Variants in KDM3B observed in about 807,000 individuals in gnomAD.
KDM3B encodes lysine-specific demethylase 3B.
A neutral mutation model predicts 170.0 loss-of-function variants in KDM3B; 10 were observed. That is an observed-to-expected ratio of 0.06 (90% CI 0.04 to 0.10). The LOEUF (loss-of-function observed/expected upper bound fraction) is 0.10. Among genes scored for constraint, KDM3B ranks in the 10% least tolerant of loss-of-function variants. The probability of loss-of-function intolerance (pLI) is 1.00; values close to 1 mark genes in which losing one functional copy is unlikely to be tolerated. For missense variants in KDM3B, 1,394 were observed against 2,195.2 expected (o/e 0.64, Z 7.29); for synonymous variants, 831 against 834.8 (o/e 1.00, Z 0.08).
chr5:138,426,929 C>G, intron 17 of KDM3B, 46 bp from the exon 18 acceptor site: 1 of 1,444,922 alleles, frequency 6.9e-7, no homozygotes, highest in South Asian at 1.1e-5. Flanking sequence ...AAATCGGACA[C>G]CAGCCAAACC....
Position 138,425,526 on chromosome 5 carries a change from C to T in KDM3B, c.4355C>T (p.Ala1452Val). Residue 1452 changes from alanine (A) to valine (V), a missense_variant, in exon 17 of 24, where the codon GCT becomes GTT. Around this residue, in one of 19 missense-constraint regions of KDM3B, gnomAD observed 66 missense variants for 178.8 expected, o/e 0.37. Coordinates refer to ENST00000314358, the MANE Select transcript of KDM3B (RefSeq NM_016604.4). The part of the protein sequence containing the change: ...DVDLVNCRNC[A>V]IISDVKVRDF... ...GACTTGGTGAACTGCAGGAACTGTG[C>T]TATAATTTCCGATGTGAAAGTTCGG... 1.2e-6 allele frequency: 2 copies of T among 1,614,062 alleles called. No individual in the cohort carries two copies. Among genetic ancestry groups the T allele is most frequent in the South Asian group, 2.2e-5 (2 of 91,070 alleles).
intron 11 of KDM3B, among the ~76,000 whole-genome samples, chr5:138,403,966 A>G (rs147195601): frequency 5.9e-5 from 9 of 152,256 alleles, no homozygotes; most frequent in Admixed American, 5.2e-4. Flanking sequence ...CCAGAGATGA[A>G]AAATATCTCA....
At chr5:138,353,316 C>T (rs528204902) in intron 1 of KDM3B, among the ~76,000 whole-genome samples, 2 of 152,324 alleles carry the variant, frequency 1.3e-5, no homozygotes, top group South Asian at 2.1e-4. Flanking sequence ...CTTGAGCTCC[C>T]GGGAGCCTCA....
intron 12 of KDM3B, 55 bp downstream of exon 12, chr5:138,415,294 C>A: frequency 9.1e-7 from 1 of 1,097,656 alleles, no homozygotes; most frequent in Non-Finnish European, 1.3e-6. Flanking sequence ...GTTGAGATAG[C>A]CATACACCAT....
At chr5:138,411,444 A>G (rs757000584) in intron 11 of KDM3B, among the ~76,000 whole-genome samples, 2 of 152,154 alleles carry the variant, frequency 1.3e-5, no homozygotes, top group Non-Finnish European at 2.9e-5. Context: ...CTTGTTTTAT[A>G]TTTATTATAC....
rs760305107 is a variant in KDM3B, at chr5:138,424,071, G to A, written c.3973-4G>A. Reference sequence around the variant, plus strand: ...AGCTTACCTGGTGGATTTGTGTCTGGCAGGGAGTGAAGAGCAAGGCCAGCC... The same window carrying A: ...AGCTTACCTGGTGGATTTGTGTCTGACAGGGAGTGAAGAGCAAGGCCAGCC... On this transcript the variant is annotated splice_polypyrimidine_tract_variant and splice_region_variant and intron_variant, in intron 15 of 23. Transcript: ENST00000314358. The A allele has an allele frequency of 1.9e-6, 3 of 1,543,648 alleles. No individual in the cohort carries two copies. The highest frequency in any genetic ancestry group is 1.8e-6 in the Non-Finnish European group (2 of 1,142,410).
rs1561769807 is a variant in KDM3B, at chr5:138,386,414, G to C, written c.1173G>C (p.Gln391His). ...SFTPYSTATG[Q>H]TPLAPEVGGA... is the part of the protein sequence containing the mutation. ...CTCCATATTCTACAGCCACAGGTCA[G>C]ACACCTTTGGCCCCAGAGGTGGGTG... Residue 391 changes from glutamine to histidine, a missense_variant, in exon 7 of 24, where the codon CAG (glutamine) becomes CAC (histidine). Coordinates refer to ENST00000314358, the MANE Select transcript of KDM3B (RefSeq NM_016604.4). 1 of 1,614,232 alleles carries C rather than the reference G, an allele frequency of 6.2e-7. No individual in the cohort carries two copies. Among genetic ancestry groups the C allele is most frequent in the Non-Finnish European group, 8.5e-7 (1 of 1,180,048 alleles).
At position 138,393,349 on chromosome 5, in the gene KDM3B, C is replaced by A; in HGVS notation, c.2808C>A (p.Ala936=). Reference sequence around the variant, plus strand: ...AGGAGCAAGATGATTCTACTGTAGCCTGCCGTTTCTTTCACTTCCGGAGGT... The same window carrying A: ...AGGAGCAAGATGATTCTACTGTAGCATGCCGTTTCTTTCACTTCCGGAGGT... ...KEQEQDDSTV[A]CRFFHFRRLI... is the part of the protein sequence containing the mutation. The change falls in exon 9 of 24, where the codon GCC becomes GCA. Residue 936 remains alanine (A), a synonymous_variant. Coordinates refer to ENST00000314358, the MANE Select transcript of KDM3B (RefSeq NM_016604.4). The A allele has an allele frequency of 6.2e-7, 1 of 1,614,014 alleles. No homozygotes were observed. The highest frequency in any genetic ancestry group is 8.5e-7 in the Non-Finnish European group (1 of 1,179,974).
Position 138,411,113 on chromosome 5 carries a change from G to C in KDM3B, c.3200-4019G>C, listed in dbSNP as rs181038635. Among the ~76,000 whole-genome samples, 711 of 152,238 alleles carry C rather than the reference G, an allele frequency of 4.7e-3. 4 individuals are homozygous for C. The highest frequency in any genetic ancestry group is 6.0e-3 in the Non-Finnish European group (405 of 68,014). ...TTTCCTGGTCTGCTAAGTAGCGGGT[G>C]TTGTTCCTTGACACTTTTCGCTACT... is the stretch of plus-strand genomic sequence containing the variant. On this transcript the variant is annotated intron_variant, in intron 11 of 23. Coordinates refer to ENST00000314358, the MANE Select transcript of KDM3B (RefSeq NM_016604.4).
At position 138,398,322 on chromosome 5, in the gene KDM3B, C is replaced by T. The variant is rs760828066; in HGVS notation, c.2976C>T (p.Ala992=). The T allele has an allele frequency of 6.2e-7, 1 of 1,614,014 alleles. No individual in the cohort carries two copies. Among genetic ancestry groups the T allele is most frequent in the African/African-American group, 1.3e-5 (1 of 74,908 alleles). Reference sequence around the variant, plus strand: ...TAGAGACCTCAAAATACATCCTGGCCAATGTTGGGGACCAGTTCTGCCAGC... The same window carrying T: ...TAGAGACCTCAAAATACATCCTGGCTAATGTTGGGGACCAGTTCTGCCAGC... ...IDLETSKYIL[A]NVGDQFCQLV... is the part of the protein sequence containing the mutation. Residue 992 remains alanine (A), a synonymous_variant, in exon 10 of 24, where the codon GCC becomes GCT. Transcript: ENST00000314358.
chr5:138,357,526 G>A (rs372645830), intron 1 of KDM3B, among the ~76,000 whole-genome samples: 1 of 150,780 alleles, frequency 6.6e-6, no homozygotes, highest in Non-Finnish European at 1.5e-5. Flanking sequence ...ACCACGTCTG[G>A]CAAATGTTTG....
intron 23 of KDM3B, among the ~76,000 whole-genome samples, chr5:138,433,415 T>G (rs1763589847): frequency 1.3e-5 from 2 of 150,828 alleles, no homozygotes; most frequent in South Asian, 2.1e-4. Flanking sequence ...GGCTGTTTTT[T>G]TTTTTTTTTT....
At chr5:138,412,472 G>A (rs1762996627) in intron 11 of KDM3B, among the ~76,000 whole-genome samples, 1 of 152,024 alleles carries the variant, frequency 6.6e-6, no homozygotes, top group Non-Finnish European at 1.5e-5. Context: ...TAGGCAACAC[G>A]GAGACCTCAT....
intron 11 of KDM3B, among the ~76,000 whole-genome samples, chr5:138,411,168 G>A (rs1205286534): frequency 6.6e-6 from 1 of 152,212 alleles, no homozygotes; most frequent in African/African-American, 2.4e-5. Context: ...GGCAACGGGC[G>A]TCTTCCCAAA....
At chr5:138,374,983 T>C (rs1761959711) in intron 2 of KDM3B, 110 bp from the exon 3 acceptor site, 3 of 680,020 alleles carry the variant, frequency 4.4e-6, no homozygotes, top group Non-Finnish European at 8.1e-6. Flanking sequence ...TTATCTGTAT[T>C]TACTGGGATG....
chr5:138,384,169 C>T (rs894029499), intron 6 of KDM3B, among the ~76,000 whole-genome samples: 1 of 149,094 alleles, frequency 6.7e-6, no homozygotes, highest in African/African-American at 2.5e-5. Flanking sequence ...TGGCGTGAAC[C>T]TGGGAGGTGG....
chr5:138,368,294 A>G (rs578110801), intron 1 of KDM3B, among the ~76,000 whole-genome samples: 5 of 149,714 alleles, frequency 3.3e-5, no homozygotes, highest in South Asian at 2.1e-4. Flanking sequence ...GTACAGGGGC[A>G]TGATCGTAGC....
intron 10 of KDM3B, among the ~76,000 whole-genome samples, chr5:138,398,906 T>G (rs1762610572): frequency 6.7e-6 from 1 of 149,436 alleles, no homozygotes; most frequent in Non-Finnish European, 1.5e-5. Flanking sequence ...TTTTTTTTTT[T>G]GAGACGGAGT....
intron 9 of KDM3B, among the ~76,000 whole-genome samples, chr5:138,394,493 A>C (rs1028633501): frequency 2.6e-5 from 4 of 152,234 alleles, no homozygotes; most frequent in African/African-American, 9.6e-5. Flanking sequence ...GGATGATCTG[A>C]GAAAGTGAGA....
Sources: allele counts gnomAD v4.1 joint callset (sites outside exome capture counted in the v4.1 genomes callset), GRCh38; gene constraint gnomAD v4.1.1; regional missense constraint gnomAD v4.1.1; transcripts MANE v1.5; gene names NCBI Gene and HGNC (gene_info 2026-07-23, HGNC 2026-07-21).